Variants in TNIK observed in about 807,000 individuals in gnomAD.
TNIK encodes TRAF2 and NCK interacting kinase.
TNIK carries 49 observed loss-of-function variants against 191.3 expected under a neutral mutation model. The observed-to-expected ratio is 0.26, with a 90% CI of 0.20 to 0.32. The LOEUF is 0.32. TNIK is among the 10% of genes least tolerant of loss of function. The pLI, the probability that TNIK is intolerant of heterozygous loss-of-function variation, is 1.00. For synonymous variants in TNIK, 594 were observed against 600.9 expected, an observed-to-expected ratio of 0.99 and a Z score of 0.17; for missense variants, 1,155 against 1,702.3, an observed-to-expected ratio of 0.68 and a Z score of 5.66.
chr3:171,253,976 A>G (rs1746556891), intron 2 of TNIK, among the ~76,000 whole-genome samples: 1 of 151,970 alleles, frequency 6.6e-6, no homozygotes, highest in African/African-American at 2.4e-5. Flanking sequence ...TTCAGGATCC[A>G]TTTTTCTGGA....
At chr3:171,421,207 G>A (rs1329006741) in intron 1 of TNIK, among the ~76,000 whole-genome samples, 11 of 152,128 alleles carry the variant, frequency 7.2e-5, no homozygotes, top group Non-Finnish European at 2.9e-5. Context: ...AGTTCTCACT[G>A]TAATTTAATA....
At chr3:171,071,954 T>C (rs974756008) in intron 28 of TNIK, among the ~76,000 whole-genome samples, 1 of 152,182 alleles carries the variant, frequency 6.6e-6, no homozygotes, top group Non-Finnish European at 1.5e-5. Context: ...AGTTAAATGA[T>C]TGAGTCCCCA....
intron 2 of TNIK, among the ~76,000 whole-genome samples, chr3:171,310,316 G>A (rs1753885039): frequency 6.6e-6 from 1 of 151,900 alleles, no homozygotes; most frequent in Non-Finnish European, 1.5e-5. Context: ...GAGCTGCTGA[G>A]CCATCATTTT....
chr3:171,146,580 G>A (rs1473857309), intron 12 of TNIK, among the ~76,000 whole-genome samples: 1 of 152,104 alleles, frequency 6.6e-6, no homozygotes, highest in East Asian at 1.9e-4. Context: ...GAACACTGAA[G>A]ACCACGTAGC....
intron 12 of TNIK, among the ~76,000 whole-genome samples, chr3:171,145,233 C>A (rs2108654425): frequency 6.6e-6 from 1 of 152,140 alleles, no homozygotes. Flanking sequence ...ACTACAGGCG[C>A]CCGCCACCAC....
intron 18 of TNIK, among the ~76,000 whole-genome samples, chr3:171,122,706 G>A (rs16855859): frequency 6.6e-6 from 1 of 152,264 alleles, no homozygotes; most frequent in East Asian, 1.9e-4. Flanking sequence ...TAGCAAAGGA[G>A]GGTCCTTTTA....
intron 5 of TNIK, 60 bp from the exon 6 acceptor site, chr3:171,190,847 T>C: frequency 7.6e-7 from 1 of 1,318,766 alleles, no homozygotes; most frequent in Non-Finnish European, 1.1e-6. Flanking sequence ...GCCAATAAAT[T>C]ATTTTGACTG....
At chr3:171,365,169 T>TTTTTTTTTTTTTTTTTTTG in intron 2 of TNIK, among the ~76,000 whole-genome samples, 1 of 53,962 alleles carries the variant, frequency 1.9e-5, no homozygotes, top group Non-Finnish European at 3.4e-5. Flanking sequence ...TTCTTTTTTT[T>TTTTTTTTTTTTTTTTTTTG]TTTTTTTTTT....
chr3:171,290,302 G>T (rs1751538892), intron 2 of TNIK, among the ~76,000 whole-genome samples: 1 of 152,192 alleles, frequency 6.6e-6, no homozygotes. Flanking sequence ...TGACATATGG[G>T]AAGAGGTTCA....
chr3:171,095,280 T>C (rs1722567246), intron 22 of TNIK, among the ~76,000 whole-genome samples: 2 of 152,206 alleles, frequency 1.3e-5, no homozygotes, highest in Non-Finnish European at 2.9e-5. Flanking sequence ...AGCTTCACTC[T>C]ATCAGGAGTG....
intron 18 of TNIK, among the ~76,000 whole-genome samples, chr3:171,120,553 T>A (rs548703997): frequency 1.3e-5 from 2 of 152,144 alleles, no homozygotes; most frequent in Non-Finnish European, 2.9e-5. Flanking sequence ...TCTCCTGACC[T>A]CGTGATCCAC....
At chr3:171,260,688 T>C (rs1444283518) in intron 2 of TNIK, among the ~76,000 whole-genome samples, 2 of 152,236 alleles carry the variant, frequency 1.3e-5, no homozygotes, top group Admixed American at 1.3e-4. Flanking sequence ...GAGTTGTTTT[T>C]AGCTAAATTT....
At chr3:171,251,469 C>A (rs1263934547) in intron 2 of TNIK, among the ~76,000 whole-genome samples, 2 of 152,148 alleles carry the variant, frequency 1.3e-5, no homozygotes, top group East Asian at 3.9e-4. Flanking sequence ...ACCTTCCTGC[C>A]ACAGTCTTGG....
At chr3:171,311,902 A>T (rs886699682) in intron 2 of TNIK, among the ~76,000 whole-genome samples, 3 of 152,054 alleles carry the variant, frequency 2.0e-5, no homozygotes, top group African/African-American at 7.2e-5. Flanking sequence ...CATTGGCAAG[A>T]GTGTGAAGGA....
chr3:171,090,166 AAG>A (rs1224018721), intron 23 of TNIK, among the ~76,000 whole-genome samples: 10 of 152,292 alleles, frequency 6.6e-5, no homozygotes, highest in Middle Eastern at 6.8e-3. Context: ...CTCCTCTACA[AAG>A]AGAGAGAAGA....
At chr3:171,118,738 G>A (rs1483393331) in intron 18 of TNIK, among the ~76,000 whole-genome samples, 5 of 152,198 alleles carry the variant, frequency 3.3e-5, no homozygotes, top group African/African-American at 1.2e-4. Flanking sequence ...CTAGCCATAT[G>A]TAGAAAGCTG....
chr3:171,195,442 A>G (rs1738566461), intron 4 of TNIK, among the ~76,000 whole-genome samples: 1 of 152,178 alleles, frequency 6.6e-6, no homozygotes, highest in East Asian at 1.9e-4. Flanking sequence ...TTATAATTAT[A>G]TGAAAAGAAT....
At chr3:171,417,090 A>G (rs562793999) in intron 1 of TNIK, among the ~76,000 whole-genome samples, 4 of 152,348 alleles carry the variant, frequency 2.6e-5, no homozygotes, top group African/African-American at 7.2e-5. Flanking sequence ...TACAAAATGT[A>G]CTGAGGCACT....
chr3:171,078,725 C>A (rs1720306866), intron 28 of TNIK, among the ~76,000 whole-genome samples: 1 of 152,164 alleles, frequency 6.6e-6, no homozygotes, highest in Admixed American at 6.5e-5. Context: ...AAGCTTTTTT[C>A]ATGGCACTTC....
Sources: gnomAD v4.1 joint callset for allele counts (sites outside exome capture counted in the v4.1 genomes callset) on GRCh38, gnomAD v4.1.1 for gene constraint, MANE v1.5 for transcripts, NCBI Gene and HGNC (gene_info 2026-07-23, HGNC 2026-07-21) for gene names.